GPC6: variants seen among roughly 807,000 people sequenced by gnomAD.
GPC6 encodes glypican-6.
In GPC6, 14 loss-of-function variants were observed where a neutral mutation model predicts 55.2. The observed-to-expected ratio is 0.25, with a 90% CI of 0.17 to 0.40. The LOEUF is 0.40. GPC6 is among the 10% of genes least tolerant of loss of function. The pLI is 1.00. For synonymous variants in GPC6, 278 were observed against 259.6 expected (o/e 1.07, Z -0.68); for missense variants, 641 against 708.5 (o/e 0.90, Z 1.08).
chr13:93,584,334 C>G (rs1468020356), intron 2 of GPC6, among the ~76,000 whole-genome samples: 1 of 152,196 alleles, frequency 6.6e-6, no homozygotes, highest in Non-Finnish European at 1.5e-5. Flanking sequence ...CATCAGGTAT[C>G]TTTGGGGGGG....
At chr13:93,619,021 T>C (rs1282492820) in intron 2 of GPC6, among the ~76,000 whole-genome samples, 1 of 152,146 alleles carries the variant, frequency 6.6e-6, no homozygotes, top group Non-Finnish European at 1.5e-5. Flanking sequence ...TGTAGGCAAC[T>C]GTAATACTGT....
chr13:93,727,867 G>C (rs372993835), intron 2 of GPC6, among the ~76,000 whole-genome samples: 1 of 151,868 alleles, frequency 6.6e-6, no homozygotes, highest in East Asian at 1.9e-4. Context: ...CTGTGAACTC[G>C]CTGCTAAACA....
chr13:93,231,845 G>A (rs1440989185), intron 1 of GPC6, among the ~76,000 whole-genome samples: 2 of 151,980 alleles, frequency 1.3e-5, no homozygotes, highest in African/African-American at 4.8e-5. Flanking sequence ...AACTTTTTCT[G>A]TCCCAGGTAT....
intron 1 of GPC6, among the ~76,000 whole-genome samples, chr13:93,510,680 G>T (rs992437026): frequency 1.3e-5 from 2 of 151,762 alleles, no homozygotes; most frequent in African/African-American, 4.8e-5. Context: ...ACCCAGTAGT[G>T]GGATTCCTGG....
chr13:94,191,540 C>CT (rs1300680977), intron 4 of GPC6, among the ~76,000 whole-genome samples: 1 of 151,022 alleles, frequency 6.6e-6, no homozygotes, highest in Non-Finnish European at 1.5e-5. Flanking sequence ...GAAATGGCCT[C>CT]TTTTTCCAGT....
intron 4 of GPC6, among the ~76,000 whole-genome samples, chr13:94,141,215 G>T (rs747349079): frequency 6.6e-6 from 1 of 152,148 alleles, no homozygotes; most frequent in Non-Finnish European, 1.5e-5. Context: ...GCCCAAAAAG[G>T]TAGGATATCT....
At chr13:93,802,403 ACT>A (rs1491503317) in intron 2 of GPC6, among the ~76,000 whole-genome samples, 3 of 129,082 alleles carry the variant, frequency 2.3e-5, no homozygotes, top group Admixed American at 7.6e-5. Flanking sequence ...CAAAAAAAGT[ACT>A]TTTTTTTTTT....
At chr13:93,370,717 T>A (rs188220809) in intron 1 of GPC6, among the ~76,000 whole-genome samples, 1 of 152,246 alleles carries the variant, frequency 6.6e-6, no homozygotes, top group East Asian at 1.9e-4. Flanking sequence ...AGGGATTATG[T>A]TACATAGATT....
At chr13:93,494,218 G>A (rs1474460146) in intron 1 of GPC6, among the ~76,000 whole-genome samples, 1 of 128,330 alleles carries the variant, frequency 7.8e-6, no homozygotes, top group South Asian at 2.9e-4. Context: ...TGTATTGGGT[G>A]CATATATATT....
intron 4 of GPC6, among the ~76,000 whole-genome samples, chr13:94,129,419 G>A (rs962169264): frequency 7.9e-5 from 12 of 152,082 alleles, no homozygotes; most frequent in African/African-American, 2.7e-4. Context: ...GTCCCAAGCA[G>A]GAGAGAAGCT....
chr13:93,359,382 C>A (rs879826179), intron 1 of GPC6, among the ~76,000 whole-genome samples: 2 of 152,154 alleles, frequency 1.3e-5, no homozygotes, highest in Non-Finnish European at 2.9e-5. Context: ...ATAGAATCTT[C>A]TGTTACTCAA....
At chr13:94,368,613 G>A (rs151230315) in intron 6 of GPC6, among the ~76,000 whole-genome samples, 5 of 152,156 alleles carry the variant, frequency 3.3e-5, no homozygotes, top group East Asian at 3.9e-4. Context: ...CTAAGAATAC[G>A]AGGGAGGGAG....
At chr13:93,544,939 T>A (rs1212166907) in intron 1 of GPC6, among the ~76,000 whole-genome samples, 1 of 152,156 alleles carries the variant, frequency 6.6e-6, no homozygotes, top group Admixed American at 6.6e-5. Context: ...CTGTATTACA[T>A]CTTGTGTTGT....
At chr13:93,502,827 T>C (rs952263652) in intron 1 of GPC6, among the ~76,000 whole-genome samples, 4 of 152,166 alleles carry the variant, frequency 2.6e-5, no homozygotes, top group Non-Finnish European at 4.4e-5. Context: ...AGCAATGTGA[T>C]GTCACTGTAT....
At chr13:94,180,841 G>A (rs942918778) in intron 4 of GPC6, among the ~76,000 whole-genome samples, 1 of 151,886 alleles carries the variant, frequency 6.6e-6, no homozygotes, top group African/African-American at 2.4e-5. Context: ...AAGGTAACAG[G>A]TTTCCTGTGC....
intron 3 of GPC6, among the ~76,000 whole-genome samples, chr13:93,975,085 C>T (rs1483574676): frequency 2.6e-5 from 4 of 152,092 alleles, no homozygotes; most frequent in Non-Finnish European, 4.4e-5. Flanking sequence ...TGAAAACTCT[C>T]CTGGACATGT....
intron 4 of GPC6, among the ~76,000 whole-genome samples, chr13:94,258,840 C>T (rs964305290): frequency 6.6e-6 from 1 of 152,206 alleles, no homozygotes; most frequent in African/African-American, 2.4e-5. Flanking sequence ...CTCCTCTCAT[C>T]TTTCTGTTCT....
At chr13:94,363,816 T>C (rs558072343) in intron 6 of GPC6, among the ~76,000 whole-genome samples, 149 of 152,280 alleles carry the variant, frequency 9.8e-4, no homozygotes, top group African/African-American at 3.4e-3. Flanking sequence ...CCATTAACAA[T>C]GTGTGACTAT....
At chr13:93,912,103 C>T (rs1018687832) in intron 3 of GPC6, among the ~76,000 whole-genome samples, 1 of 152,178 alleles carries the variant, frequency 6.6e-6, no homozygotes, top group Admixed American at 6.5e-5. Context: ...TTGTTAATTA[C>T]AATGGGATCC....
Sources: gnomAD v4.1 joint callset for allele counts (sites outside exome capture counted in the v4.1 genomes callset) on GRCh38, gnomAD v4.1.1 for gene constraint, MANE v1.5 for transcripts, NCBI Gene and HGNC (gene_info 2026-07-23, HGNC 2026-07-21) for gene names.